RSU1: variants seen among roughly 807,000 people sequenced by gnomAD.
RSU1 encodes Ras suppressor protein 1.
A neutral mutation model predicts 31.1 loss-of-function variants in RSU1; 26 were observed. The ratio of observed to expected loss-of-function variants is 0.84; its 90% CI spans 0.61 to 1.16. The LOEUF is 1.16. Ranked by LOEUF, RSU1 falls within the 50% of genes most tolerant of loss-of-function variation. The pLI, the probability that RSU1 is intolerant of heterozygous loss-of-function variation, is 0.00. For synonymous variants in RSU1, 164 were observed against 136.3 expected, an observed-to-expected ratio of 1.20 and a Z score of -1.41; for missense variants, 320 against 339.1, an observed-to-expected ratio of 0.94 and a Z score of 0.44.
At position 16,751,051 on chromosome 10, in the gene RSU1, G is replaced by A. The variant is rs12357488; in HGVS notation, c.598+1488C>T. On this transcript the variant is annotated intron_variant, in intron 7 of 8. Transcript: ENST00000345264. ...CAGCTAATTTTTTGTACTTTTTGTA[G>A]AGACGGGGTTTCACCATGTTGCACA... is the stretch of plus-strand genomic sequence containing the variant. 2.6e-5 allele frequency among the ~76,000 whole-genome samples: 4 copies of A among 152,062 alleles called. No individual in the cohort carries two copies. The East Asian group carries it at 7.8e-4, about 30-fold the overall frequency.
At chr10:16,664,778 C>A (rs1359028675) in intron 8 of RSU1, among the ~76,000 whole-genome samples, 3 of 152,164 alleles carry the variant, frequency 2.0e-5, no homozygotes, top group Non-Finnish European at 4.4e-5. Flanking sequence ...AAGTCTTTAG[C>A]AGTTTAGAGA....
intron 8 of RSU1, among the ~76,000 whole-genome samples, chr10:16,610,531 T>C (rs1177376645): frequency 2.0e-5 from 3 of 152,142 alleles, no homozygotes; most frequent in African/African-American, 2.4e-5. Flanking sequence ...CTGCTCCCCA[T>C]TGCACATGCG....
intron 8 of RSU1, among the ~76,000 whole-genome samples, chr10:16,673,108 T>G (rs1835145655): frequency 6.6e-6 from 1 of 152,220 alleles, no homozygotes; most frequent in East Asian, 1.9e-4. Context: ...TCATAGTTTT[T>G]GTACATTTCC....
intron 8 of RSU1, among the ~76,000 whole-genome samples, chr10:16,613,557 T>C (rs1011099914): frequency 9.9e-5 from 15 of 152,160 alleles, no homozygotes; most frequent in African/African-American, 3.6e-4. Context: ...TGCTGGAGAA[T>C]AAAATATTAC....
intron 2 of RSU1, among the ~76,000 whole-genome samples, chr10:16,796,735 G>A (rs776742142): frequency 2.1e-5 from 3 of 143,944 alleles, no homozygotes; most frequent in Non-Finnish European, 3.1e-5. Flanking sequence ...TGCAGGAAAC[G>A]TGGAGGCAGC....
At chr10:16,802,963 G>C (rs990805025) in intron 2 of RSU1, among the ~76,000 whole-genome samples, 1 of 152,100 alleles carries the variant, frequency 6.6e-6, no homozygotes, top group Non-Finnish European at 1.5e-5. Context: ...TACTACAGTT[G>C]GGAACAAGGC....
rs553571394 is a variant in RSU1 at position 16,751,640 on chromosome 10, C to T, written c.598+899G>A. 4.6e-5 allele frequency among the ~76,000 whole-genome samples: 7 copies of T among 152,308 alleles called. No individual in the cohort carries two copies. The East Asian group carries it at 1.4e-3, about 29-fold the overall frequency. On this transcript the variant is annotated intron_variant, in intron 7 of 8. Transcript: ENST00000345264. The stretch of plus-strand genomic sequence containing the variant: ...GGAACAAATACAAAAATGTCCCTGC[C>T]CTCCTGGTGATTGCATTCTAATTTC...
intron 4 of RSU1, among the ~76,000 whole-genome samples, chr10:16,762,505 T>C (rs1837229563): frequency 1.4e-5 from 2 of 146,240 alleles, no homozygotes; most frequent in South Asian, 4.3e-4. Context: ...GGCTCCAAAT[T>C]TGTAGGGAGA....
intron 8 of RSU1, among the ~76,000 whole-genome samples, chr10:16,632,326 A>G (rs184452454): frequency 1.7e-4 from 26 of 152,338 alleles, no homozygotes; most frequent in Admixed American, 4.6e-4. Flanking sequence ...TGAATAAGCT[A>G]TTGAAAAAAC....
chr10:16,649,145 T>G (rs1005841605), intron 8 of RSU1, among the ~76,000 whole-genome samples: 1 of 152,208 alleles, frequency 6.6e-6, no homozygotes, highest in Non-Finnish European at 1.5e-5. Context: ...GAACCATCAA[T>G]GCAGTCTTAA....
chr10:16,699,873 C>T (rs777256882), intron 7 of RSU1, among the ~76,000 whole-genome samples: 17 of 152,340 alleles, frequency 1.1e-4, no homozygotes, highest in African/African-American at 4.1e-4. Flanking sequence ...TCTGCAATTG[C>T]AAATTGGATT....
At chr10:16,779,502 C>T (rs1837607133) in intron 3 of RSU1, among the ~76,000 whole-genome samples, 1 of 152,098 alleles carries the variant, frequency 6.6e-6, no homozygotes, top group South Asian at 2.1e-4. Flanking sequence ...AATCAATGTC[C>T]CAGTTTGAGT....
At chr10:16,624,677 CCT>C (rs1212608438) in intron 8 of RSU1, among the ~76,000 whole-genome samples, 1 of 152,024 alleles carries the variant, frequency 6.6e-6, no homozygotes, top group African/African-American at 2.4e-5. Flanking sequence ...AATGCTTTGA[CCT>C]CTCTCTCTGA....
intron 8 of RSU1, among the ~76,000 whole-genome samples, chr10:16,596,240 G>C (rs1833610293): frequency 6.6e-6 from 1 of 152,072 alleles, no homozygotes; most frequent in Non-Finnish European, 1.5e-5. Context: ...ATGACAAAAG[G>C]GGCTCTGCAG....
chr10:16,704,432 C>T (rs539235158), intron 7 of RSU1, among the ~76,000 whole-genome samples: 1 of 152,306 alleles, frequency 6.6e-6, no homozygotes, highest in Admixed American at 6.5e-5. Flanking sequence ...GACTAGTAGG[C>T]AGCCAGGCAG....
At chr10:16,785,499 T>TATGTACATATATATATATAC in intron 2 of RSU1, among the ~76,000 whole-genome samples, 1 of 123,066 alleles carries the variant, frequency 8.1e-6, no homozygotes, top group South Asian at 2.4e-4. Flanking sequence ...CATATATATA[T>TATGTACATATATATATATAC]ACACATATAT....
intron 1 of RSU1, 111 bp from the exon 2 acceptor site, chr10:16,817,195 C>T: frequency 1.4e-6 from 1 of 725,948 alleles, no homozygotes; most frequent in Middle Eastern, 2.5e-4. Flanking sequence ...AGCGGGTGGG[C>T]GTCCGAGGGC....
chr10:16,723,192 G>C (rs1195608177), intron 7 of RSU1: 2 of 151,840 alleles, frequency 1.3e-5, no homozygotes, highest in Non-Finnish European at 2.9e-5. Context: ...TTCAACTGTG[G>C]GTACCATTTT....
intron 8 of RSU1, among the ~76,000 whole-genome samples, chr10:16,609,940 T>C (rs1833866292): frequency 6.6e-6 from 1 of 152,204 alleles, no homozygotes; most frequent in South Asian, 2.1e-4. Flanking sequence ...CAAAATATAA[T>C]TTGAGCCATG....
Sources: allele counts gnomAD v4.1 joint callset (sites outside exome capture counted in the v4.1 genomes callset), GRCh38; gene constraint gnomAD v4.1.1; transcripts MANE v1.5; gene names NCBI Gene and HGNC (gene_info 2026-07-23, HGNC 2026-07-21).